Variants in MTCL1 observed in about 807,000 individuals in gnomAD.
MTCL1 encodes the protein microtubule crosslinking factor 1.
MTCL1 carries 79 observed loss-of-function variants against 141.4 expected under a neutral mutation model. That is an observed-to-expected ratio of 0.56 (90% CI 0.47 to 0.67). MTCL1 has a LOEUF of 0.67. Among genes scored for constraint, MTCL1 ranks in the 30% least tolerant of loss-of-function variants. The probability of loss-of-function intolerance (pLI) is 0.00; values close to 1 mark genes in which losing one functional copy is unlikely to be tolerated. For missense variants in MTCL1, 2,177 were observed against 2,113.9 expected, an observed-to-expected ratio of 1.03 and a Z score of -0.59; for synonymous variants, 914 against 875.8, an observed-to-expected ratio of 1.04 and a Z score of -0.77.
chr18:8,731,640 G>C (rs2096251278), intron 4 of MTCL1, among the ~76,000 whole-genome samples: 1 of 152,198 alleles, frequency 6.6e-6, no homozygotes, highest in Admixed American at 6.5e-5. Flanking sequence ...CTTTCACTAG[G>C]CAGTAAACTG....
At chr18:8,760,108 C>A (rs948835534) in intron 4 of MTCL1, among the ~76,000 whole-genome samples, 4 of 152,240 alleles carry the variant, frequency 2.6e-5, no homozygotes, top group African/African-American at 4.8e-5. Flanking sequence ...TCTTCTGGAA[C>A]ATGGGCTCAC....
chr18:8,751,300 G>C (rs1598486950), intron 4 of MTCL1, among the ~76,000 whole-genome samples: 3 of 152,146 alleles, frequency 2.0e-5, no homozygotes, highest in Non-Finnish European at 2.9e-5. Context: ...TATTTCACCA[G>C]GTCCTCAGTT....
chr18:8,766,972 G>A (rs552981642), intron 4 of MTCL1, among the ~76,000 whole-genome samples: 1 of 152,360 alleles, frequency 6.6e-6, no homozygotes, highest in African/African-American at 2.4e-5. Context: ...CCTCAGAGCA[G>A]CTCTCTAGCC....
At chr18:8,787,154 C>T (rs2096559149) in intron 7 of MTCL1, 3 of 152,264 alleles carry the variant, frequency 2.0e-5, no homozygotes, top group Admixed American at 2.0e-4. Context: ...CATCGCATAG[C>T]TTCAGAAACT....
intron 10 of MTCL1, among the ~76,000 whole-genome samples, chr18:8,803,995 G>C (rs2076209858): frequency 6.6e-6 from 1 of 152,048 alleles, no homozygotes; most frequent in Non-Finnish European, 1.5e-5. Flanking sequence ...TGTATCATAT[G>C]GTTTTCTGCT....
chr18:8,756,483 GTGTATATA>G (rs1391340634), intron 4 of MTCL1, among the ~76,000 whole-genome samples: 1 of 150,130 alleles, frequency 6.7e-6, no homozygotes, highest in African/African-American at 2.5e-5. Context: ...GTGTATATGT[GTGTATATA>G]TGTATATATG....
At chr18:8,709,665 G>GT (rs1443261636) in intron 1 of MTCL1, among the ~76,000 whole-genome samples, 4 of 152,128 alleles carry the variant, frequency 2.6e-5, no homozygotes, top group Non-Finnish European at 5.9e-5. Flanking sequence ...AGCATTCCAA[G>GT]TAAGTGCTGT....
exon 6 of MTCL1, chr18:8,784,493 G>T (rs374972089): frequency 6.3e-7 from 1 of 1,581,668 alleles, no homozygotes; most frequent in Non-Finnish European, 8.6e-7. Flanking sequence ...AAAACACGAG[G>T]CCCAGCGGCT....
rs1301206578 is a variant in MTCL1, at chr18:8,830,066, AAC to A, written c.*18+1111_*18+1112del. ...CACACAGAACAGATACACAATACAC[AAC>A]ACACACACTACTTCTATAACAAGGG... On this transcript the variant is annotated intron_variant, in intron 16 of 16. Coordinates refer to ENST00000359865, the Ensembl canonical transcript of MTCL1. This position sits in a 1 kb window ranked among gnomAD's most constrained non-coding sequence, Gnocchi z 6.4. 3.0e-6 allele frequency: 3 copies of A among 985,294 alleles called. No homozygotes were observed. Among genetic ancestry groups the A allele is most frequent in the East Asian group, 1.1e-4 (1 of 8,818 alleles). The allele number at this position is 985,294 out of a possible 1,614,324, so 61.0% of individuals were successfully genotyped here. A position where few individuals can be genotyped will look rare whatever the true frequency, so the allele number is the denominator to read the frequency against.
intron 4 of MTCL1, among the ~76,000 whole-genome samples, chr18:8,749,040 T>C (rs1003870424): frequency 1.1e-4 from 17 of 152,342 alleles, no homozygotes; most frequent in South Asian, 4.1e-4. Flanking sequence ...AGTTCTGTTA[T>C]AAATGGAGAC....
At chr18:8,716,568 C>CTT (rs1567928941), upstream of MTCL1, among the ~76,000 whole-genome samples, 3 of 108,866 alleles carry the variant, frequency 2.8e-5, no homozygotes, top group African/African-American at 1.0e-4. Flanking sequence ...TCTTTTTGTT[C>CTT]ATTTTTTTTT....
intron 12 of MTCL1, among the ~76,000 whole-genome samples, chr18:8,815,264 C>T (rs1775783014): frequency 6.6e-6 from 1 of 151,670 alleles, no homozygotes; most frequent in African/African-American, 2.4e-5. Context: ...AAATGTGGCA[C>T]ATATACACCA....
At chr18:8,705,604 C>A (rs955098546), upstream of MTCL1, 1 of 1,209,388 alleles carries the variant, frequency 8.3e-7, no homozygotes, top group Non-Finnish European at 1.0e-6. The surrounding 1 kb of genome is among the most constrained non-coding windows in gnomAD (Gnocchi z 5.2). Flanking sequence ...CCGCCGCCGC[C>A]GCCGCCGTCG....
At chr18:8,809,676 AC>A in intron 11 of MTCL1, 1 of 1,465,940 alleles carries the variant, frequency 6.8e-7, no homozygotes, top group Non-Finnish European at 9.1e-7. Flanking sequence ...GGTTCATGAG[AC>A]GCCGTGGAGC....
In MTCL1 at chr18:8,731,570, G is replaced by A. The variant is rs1054769910; in HGVS notation, c.357+11074G>A. Among the ~76,000 whole-genome samples the A allele has an allele frequency of 5.9e-5, 9 of 151,944 alleles. No homozygotes were observed. The East Asian group carries it at 7.7e-4, about 13-fold the overall frequency. ...GCCTGGGGGGCAAGAGCGAGACTTC[G>A]TCTCAAGAAAAAAAATAATAATTAA... is the stretch of plus-strand genomic sequence containing the variant. On this transcript the variant is annotated intron_variant, in intron 4 of 16. Transcript: ENST00000359865.
chr18:8,821,005 C>T (rs1382143910), intron 13 of MTCL1, among the ~76,000 whole-genome samples: 3 of 152,206 alleles, frequency 2.0e-5, no homozygotes, highest in Non-Finnish European at 4.4e-5. Context: ...GGATGTCACG[C>T]CAACTTCTAC....
exon 6 of MTCL1, chr18:8,784,794 G>A (rs370769194): frequency 4.2e-5 from 67 of 1,610,964 alleles, no homozygotes; most frequent in South Asian, 1.9e-4. Flanking sequence ...TCCGTGTCCC[G>A]GGACTCCCCC....
chr18:8,784,558 G>A (rs761810578), exon 6 of MTCL1: 7 of 1,608,128 alleles, frequency 4.4e-6, no homozygotes, highest in Admixed American at 1.7e-5. Context: ...TCCATGATGC[G>A]GGGCTGCGGG....
chr18:8,784,391 G>T, exon 6 of MTCL1: 7 of 1,527,784 alleles, frequency 4.6e-6, no homozygotes, highest in Non-Finnish European at 5.3e-6. Context: ...GAAGACGTCG[G>T]GCTTCGGGAG....
Sources: allele counts gnomAD v4.1 joint callset (sites outside exome capture counted in the v4.1 genomes callset), GRCh38; gene constraint gnomAD v4.1.1; non-coding constraint Gnocchi (gnomAD v3.1); transcripts MANE v1.5; gene names NCBI Gene and HGNC (gene_info 2026-07-23, HGNC 2026-07-21).